CCNH: variants seen among roughly 807,000 people sequenced by gnomAD.
The protein encoded by CCNH is cyclin-H.
In CCNH, 31 loss-of-function variants were observed where a neutral mutation model predicts 41.9. The observed-to-expected ratio is 0.74, with a 90% confidence interval of 0.56 to 1.00. CCNH has a LOEUF of 1.00. Among genes scored for constraint, CCNH ranks in the 50% least tolerant of loss-of-function variants. The pLI, the probability that CCNH is intolerant of heterozygous loss-of-function variation, is 0.00. For missense variants in CCNH, 362 were observed against 388.4 expected (o/e 0.93, Z 0.57); for synonymous variants, 138 against 136.1 (o/e 1.01, Z -0.10).
chr5:87,387,571 A>AT (rs1238254136), downstream of CCNH, among the ~76,000 whole-genome samples: 1 of 152,152 alleles, frequency 6.6e-6, no homozygotes, highest in African/African-American at 2.4e-5. Flanking sequence ...AGGAAGGTGC[A>AT]TGTACATGTG....
At chr5:87,386,926 C>CT (rs749486907), downstream of CCNH, 157 of 1,584,442 alleles carry the variant, frequency 9.9e-5, no homozygotes, top group Middle Eastern at 1.3e-3. Context: ...TTTTCAGGTA[C>CT]TTTTTTTAAG....
At chr5:87,363,329 A>C in intron 9 of CCNH, 1 of 1,582,698 alleles carries the variant, frequency 6.3e-7, no homozygotes, top group Non-Finnish European at 8.7e-7. Context: ...AAGAGAAAAC[A>C]ATTTTTTTTT....
intron 3 of CCNH, 68 bp downstream of exon 3, chr5:87,409,222 C>A: frequency 1.1e-6 from 1 of 897,216 alleles, no homozygotes; most frequent in South Asian, 1.7e-5. Context: ...TCTCTCCTCC[C>A]AAAAAATACT....
downstream of CCNH, chr5:87,392,247 C>A (rs186960290): frequency 8.8e-6 from 4 of 456,198 alleles, no homozygotes; most frequent in African/African-American, 6.0e-5. Context: ...TTATGCTATT[C>A]CTCTAATGTA....
At chr5:87,394,856 T>A in intron 8 of CCNH, 188 bp downstream of exon 8, 1 of 1,379,442 alleles carries the variant, frequency 7.2e-7, no homozygotes, top group Non-Finnish European at 9.3e-7. Flanking sequence ...CTTCATTAAA[T>A]AAAGACAGAA....
intron 7 of CCNH, among the ~76,000 whole-genome samples, chr5:87,397,072 G>A (rs142542142): frequency 1.9e-3 from 296 of 152,206 alleles, no homozygotes; most frequent in African/African-American, 5.9e-3. Flanking sequence ...TCCTAAAGTA[G>A]CACTACTCAT....
chr5:87,338,536 A>ATATTTTTTTTTTTTT, intron 9 of CCNH, among the ~76,000 whole-genome samples: 2 of 85,222 alleles, frequency 2.3e-5, no homozygotes, highest in African/African-American at 8.8e-5. Flanking sequence ...TATATATAAA[A>ATATTTTTTTTTTTTT]TTTTTTTTTT....
intron 9 of CCNH, among the ~76,000 whole-genome samples, chr5:87,342,215 A>G (rs1356829583): frequency 1.3e-5 from 2 of 148,756 alleles, no homozygotes; most frequent in South Asian, 2.1e-4. Flanking sequence ...GCTGGAGTGC[A>G]ATGGCACGAT....
chr5:87,379,819 A>G (rs747841110), upstream of CCNH: 1 of 1,612,858 alleles, frequency 6.2e-7, no homozygotes, highest in Non-Finnish European at 8.5e-7. Context: ...GCTTGTGGAG[A>G]AAATATTCAT....
rs1218399759 is a variant in CCNH, at chr5:87,412,915, C to A, written c.-121G>T. 6.8e-7 allele frequency: 1 copy of A among 1,471,410 alleles called. No homozygotes were observed. Among genetic ancestry groups the A allele is most frequent in the Admixed American group, 2.4e-5 (1 of 42,240 alleles). The allele number at this position is 1,471,410 out of a possible 1,614,324, so 91.1% of individuals were successfully genotyped here. A position where few individuals can be genotyped will look rare whatever the true frequency, so the allele number is the denominator to read the frequency against. On this transcript the variant is annotated 5_prime_UTR_variant, in exon 1 of 9. Coordinates refer to ENST00000256897, the MANE Select transcript of CCNH (RefSeq NM_001239.4). The stretch of plus-strand genomic sequence containing the variant: ...GCGGAAGCCTAGGGCGTCCGGCTAG[C>A]CGGCGCTGGCGCGCTGTCGTCACGA...
At chr5:87,331,214 C>G (rs1429187159) in intron 9 of CCNH, 1 of 1,057,628 alleles carries the variant, frequency 9.5e-7, no homozygotes, top group East Asian at 2.4e-5. Flanking sequence ...ATTGGAATAA[C>G]TGGTTCAGAG....
At chr5:87,319,224 A>C (rs960674392) in intron 9 of CCNH, among the ~76,000 whole-genome samples, 2 of 152,218 alleles carry the variant, frequency 1.3e-5, no homozygotes, top group Non-Finnish European at 2.9e-5. Context: ...ACACAGTGCA[A>C]GCTGTCAGTG....
chr5:87,339,276 G>A (rs1032404944), intron 9 of CCNH, among the ~76,000 whole-genome samples: 2 of 152,102 alleles, frequency 1.3e-5, no homozygotes, highest in African/African-American at 4.8e-5. Context: ...TTGAGGAAAT[G>A]GTGTGATACA....
chr5:87,360,895 C>T (rs1276541356), intron 9 of CCNH, among the ~76,000 whole-genome samples: 1 of 152,004 alleles, frequency 6.6e-6, no homozygotes, highest in African/African-American at 2.4e-5. Context: ...TTCTCTTTAT[C>T]ATTTATGAGC....
chr5:87,375,473 C>T (rs1426969080), downstream of CCNH, among the ~76,000 whole-genome samples: 2 of 152,130 alleles, frequency 1.3e-5, no homozygotes. Flanking sequence ...GTTGGCCAGG[C>T]TGGTTTCAAA....
chr5:87,324,168 C>A (rs1258798898), intron 9 of CCNH, among the ~76,000 whole-genome samples: 4 of 152,136 alleles, frequency 2.6e-5, no homozygotes, highest in Non-Finnish European at 2.9e-5. Flanking sequence ...CTAAGAAAAA[C>A]CCAACTATAA....
At chr5:87,407,156 C>T (rs941529170) in intron 4 of CCNH, among the ~76,000 whole-genome samples, 1 of 152,148 alleles carries the variant, frequency 6.6e-6, no homozygotes, top group Non-Finnish European at 1.5e-5. Flanking sequence ...CCTATTCCTA[C>T]TCTGAATTTT....
intron 9 of CCNH, chr5:87,331,033 A>G: frequency 7.6e-7 from 1 of 1,312,678 alleles, no homozygotes; most frequent in Non-Finnish European, 1.0e-6. Flanking sequence ...TTCTAAGTAA[A>G]GATCTGGTTG....
chr5:87,392,960 G>A (rs923063222), downstream of CCNH: 1 of 151,994 alleles, frequency 6.6e-6, no homozygotes, highest in African/African-American at 2.4e-5. Flanking sequence ...CTAGAGCCTA[G>A]CAGCAATATA....
Sources: allele counts gnomAD v4.1 joint callset (sites outside exome capture counted in the v4.1 genomes callset), GRCh38; gene constraint gnomAD v4.1.1; transcripts MANE v1.5; gene names NCBI Gene and HGNC (gene_info 2026-07-23, HGNC 2026-07-21).